The following MRTFA variants were observed in gnomAD, a reference collection of about 807,000 sequenced individuals.
MRTFA encodes the protein myocardin-related transcription factor A.
A neutral mutation model predicts 83.5 loss-of-function variants in MRTFA; 20 were observed. The observed-to-expected ratio is 0.24, with a 90% CI of 0.17 to 0.35. The LOEUF is 0.35. Ranked by LOEUF, MRTFA falls within the 10% of genes least tolerant of loss-of-function variation. The pLI, the probability that MRTFA is intolerant of heterozygous loss-of-function variation, is 1.00. For synonymous variants in MRTFA, 659 were observed against 541.2 expected (o/e 1.22, Z -3.02); for missense variants, 1,200 against 1,224.7 (o/e 0.98, Z 0.30).
intron 2 of MRTFA, chr22:40,587,594 G>A: frequency 6.5e-6 from 2 of 306,108 alleles, no homozygotes; most frequent in Non-Finnish European, 1.3e-5. Flanking sequence ...GACATGACCA[G>A]CACTGGTAAG....
chr22:40,476,246 T>A (rs1370681223), intron 3 of MRTFA, among the ~76,000 whole-genome samples: 2 of 151,914 alleles, frequency 1.3e-5, no homozygotes, highest in African/African-American at 4.8e-5. Context: ...AAAGTAAGAC[T>A]CCTCTGGGCC....
intron 3 of MRTFA, among the ~76,000 whole-genome samples, chr22:40,496,493 T>C (rs1212989197): frequency 6.6e-6 from 1 of 150,678 alleles, no homozygotes; most frequent in Non-Finnish European, 1.5e-5. Flanking sequence ...GTCTTTATAA[T>C]AAGCCAAAAA....
At chr22:40,453,401 C>G (rs1338239816) in intron 4 of MRTFA, among the ~76,000 whole-genome samples, 1 of 152,206 alleles carries the variant, frequency 6.6e-6, no homozygotes, top group Non-Finnish European at 1.5e-5. Flanking sequence ...ACTGACCGGA[C>G]TGGGGCAGAG....
intron 1 of MRTFA, among the ~76,000 whole-genome samples, chr22:40,627,937 C>T (rs1407923658): frequency 6.6e-6 from 1 of 152,120 alleles, no homozygotes; most frequent in Admixed American, 6.6e-5. Flanking sequence ...TGCCACTACA[C>T]TCATGTCTGG....
chr22:40,431,162 G>A (rs145367916), intron 6 of MRTFA, among the ~76,000 whole-genome samples: 185 of 152,320 alleles, frequency 1.2e-3, no homozygotes, highest in African/African-American at 4.3e-3. Flanking sequence ...CTCACACCAA[G>A]GGATGGTGAG....
chr22:40,420,906 G>T lies in MRTFA; in HGVS notation c.1122C>A (p.Ile374=), dbSNP rs1269552375. 1.2e-6 allele frequency: 2 copies of T among 1,614,096 alleles called. No homozygotes were observed. Among genetic ancestry groups the T allele is most frequent in the Non-Finnish European group, 1.7e-6 (2 of 1,180,038 alleles). The change falls in exon 10 of 15, where the codon ATC becomes ATA. Residue 374 remains isoleucine (I), a synonymous_variant. Coordinates refer to ENST00000355630, the MANE Select transcript of MRTFA (RefSeq NM_020831.6). ...GGTGCTGCTGCTGCTGCTGGTTGAG[G>T]ATCTGCAGCTGGAGGAAGAGCTGCT...
chr22:40,461,846 G>C (rs2053720009), intron 4 of MRTFA, among the ~76,000 whole-genome samples: 1 of 152,040 alleles, frequency 6.6e-6, no homozygotes, highest in Non-Finnish European at 1.5e-5. Context: ...CTCCATGTGG[G>C]TGATAATGCC....
At chr22:40,609,269 TGA>T (rs2056355605) in intron 1 of MRTFA, among the ~76,000 whole-genome samples, 1 of 142,746 alleles carries the variant, frequency 7.0e-6, no homozygotes, top group Non-Finnish European at 1.5e-5. Context: ...CCAGCCTGGG[TGA>T]CAGAGCAAGA....
chr22:40,424,279 C>A lies in MRTFA; in HGVS notation c.704G>T (p.Gly235Val). Reference sequence around the variant, plus strand: ...GGCCTCCAGGGGTGACGGCACAGAACCCTGGGACTCATGGCTGGCAGGCTG... The same window carrying A: ...GGCCTCCAGGGGTGACGGCACAGAAACCTGGGACTCATGGCTGGCAGGCTG... Residue 235 changes from glycine to valine, a missense_variant, in exon 8 of 15, where the codon GGT becomes GTT. Physicochemically the swap from Gly to Val is moderately radical, Grantham distance 109. Coordinates refer to ENST00000355630, the MANE Select transcript of MRTFA (RefSeq NM_020831.6). 1 of 1,612,634 alleles carries A rather than the reference C, an allele frequency of 6.2e-7. No individual in the cohort carries two copies. Among genetic ancestry groups the A allele is most frequent in the Non-Finnish European group, 8.5e-7 (1 of 1,179,452 alleles).
chr22:40,615,736 G>A (rs1431129905), intron 1 of MRTFA, among the ~76,000 whole-genome samples: 3 of 149,154 alleles, frequency 2.0e-5, no homozygotes. Flanking sequence ...CCAGGCTGGA[G>A]TACAATGGCA....
At chr22:40,498,283 T>A (rs1177608155) in intron 3 of MRTFA, among the ~76,000 whole-genome samples, 38 of 97,434 alleles carry the variant, frequency 3.9e-4, no homozygotes, top group South Asian at 8.2e-4. Context: ...ATTTTTTTTT[T>A]TTTTTTTTTT....
At chr22:40,535,907 T>C (rs1602398605) in intron 3 of MRTFA, among the ~76,000 whole-genome samples, 1 of 152,080 alleles carries the variant, frequency 6.6e-6, no homozygotes. Context: ...CAAATAAACA[T>C]AACATCTCAG....
At chr22:40,601,549 T>C (rs1315318682) in intron 1 of MRTFA, among the ~76,000 whole-genome samples, 1 of 152,194 alleles carries the variant, frequency 6.6e-6, no homozygotes, top group Non-Finnish European at 1.5e-5. Context: ...TACTGTCTTA[T>C]AGTAGCTGAC....
chr22:40,422,874 TAAGA>T (rs1324269439), intron 9 of MRTFA, among the ~76,000 whole-genome samples: 1 of 151,970 alleles, frequency 6.6e-6, no homozygotes, highest in African/African-American at 2.4e-5. Context: ...GCCTGGGGAA[TAAGA>T]AAGGACAGAG....
intron 4 of MRTFA, among the ~76,000 whole-genome samples, chr22:40,457,458 G>GAA (rs1555972942): frequency 2.8e-5 from 4 of 142,746 alleles, no homozygotes; most frequent in African/African-American, 1.1e-4. Context: ...AAGAAAGAAA[G>GAA]AAAGAAAGAA....
intron 2 of MRTFA, among the ~76,000 whole-genome samples, chr22:40,553,864 G>A (rs1428757138): frequency 1.3e-5 from 2 of 152,172 alleles, no homozygotes; most frequent in Non-Finnish European, 2.9e-5. Flanking sequence ...CATGAAAGCA[G>A]CCAGGGGTGA....
chr22:40,453,502 G>C (rs896925105), intron 4 of MRTFA, among the ~76,000 whole-genome samples: 11 of 152,140 alleles, frequency 7.2e-5, no homozygotes, highest in Non-Finnish European at 1.5e-4. Context: ...TTGACACACA[G>C]GGGCAGCAGT....
chr22:40,603,434 T>A (rs1180134508), intron 1 of MRTFA, among the ~76,000 whole-genome samples: 6 of 152,302 alleles, frequency 3.9e-5, no homozygotes, highest in Non-Finnish European at 1.5e-5. Context: ...CTCTATCCAA[T>A]AGAAACATAC....
Position 40,416,278 on chromosome 22 carries a change from G to T in MRTFA, c.2578+708C>A, listed in dbSNP as rs138268729. Among the ~76,000 whole-genome samples the T allele has an allele frequency of 6.6e-6, 1 of 152,108 alleles. No homozygotes were observed. Among genetic ancestry groups the T allele is most frequent in the African/African-American group, 2.4e-5 (1 of 41,438 alleles). On this transcript the variant is annotated intron_variant, in intron 14 of 14. Transcript: ENST00000355630. This position sits in a 1 kb window ranked among gnomAD's most constrained non-coding sequence, Gnocchi z 4.2. Reference sequence around the variant, plus strand: ...TCTCCAAATGGGGCTGATTCCAGCCGCTCCTCTGCCCGCCACTGCTGCCTG... The same window carrying T: ...TCTCCAAATGGGGCTGATTCCAGCCTCTCCTCTGCCCGCCACTGCTGCCTG...
Sources: allele counts gnomAD v4.1 joint callset (sites outside exome capture counted in the v4.1 genomes callset), GRCh38; gene constraint gnomAD v4.1.1; non-coding constraint Gnocchi (gnomAD v3.1); transcripts MANE v1.5; gene names NCBI Gene and HGNC (gene_info 2026-07-23, HGNC 2026-07-21).